The following GBE1 variants were observed in gnomAD, a reference collection of about 807,000 sequenced individuals.
GBE1 encodes the protein 1,4-alpha-glucan-branching enzyme.
A neutral mutation model predicts 88.8 loss-of-function variants in GBE1; 70 were observed. The observed-to-expected ratio is 0.79, with a 90% CI of 0.65 to 0.96. The LOEUF is 0.96. Among genes scored for constraint, GBE1 ranks in the 40% least tolerant of loss-of-function variants. The probability of loss-of-function intolerance (pLI) is 0.00; values close to 1 mark genes in which losing one functional copy is unlikely to be tolerated. For missense variants in GBE1, 872 were observed against 871.0 expected, an observed-to-expected ratio of 1.00 and a Z score of -0.01; for synonymous variants, 284 against 300.1, an observed-to-expected ratio of 0.95 and a Z score of 0.56.
At chr3:81,556,991 T>G (rs1703357912) in intron 12 of GBE1, among the ~76,000 whole-genome samples, 1 of 152,102 alleles carries the variant, frequency 6.6e-6, no homozygotes, top group Non-Finnish European at 1.5e-5. Context: ...ACTCTTAACA[T>G]AATTAAATAT....
intron 1 of GBE1, among the ~76,000 whole-genome samples, chr3:81,737,123 A>G (rs2107211792): frequency 6.6e-6 from 1 of 151,270 alleles, no homozygotes; most frequent in Admixed American, 6.6e-5. Flanking sequence ...ATAATAACAG[A>G]TTTCTCCTGA....
intron 14 of GBE1, among the ~76,000 whole-genome samples, chr3:81,507,461 G>A (rs1432561148): frequency 2.0e-5 from 3 of 152,008 alleles, no homozygotes; most frequent in South Asian, 4.2e-4. Flanking sequence ...CTACTTGGGA[G>A]GCTGAGGCAG....
chr3:81,698,920 A>G (rs1705643719), intron 2 of GBE1, among the ~76,000 whole-genome samples: 1 of 152,224 alleles, frequency 6.6e-6, no homozygotes, highest in African/African-American at 2.4e-5. Flanking sequence ...AGGTGGTGAG[A>G]GCAACGAAAT....
At chr3:81,520,367 A>G (rs1702856896) in intron 14 of GBE1, among the ~76,000 whole-genome samples, 1 of 151,534 alleles carries the variant, frequency 6.6e-6, no homozygotes, top group Non-Finnish European at 1.5e-5. Context: ...TAAACTGAAT[A>G]CTTTATAAAA....
intron 2 of GBE1, among the ~76,000 whole-genome samples, chr3:81,683,526 C>A (rs1705389095): frequency 6.6e-6 from 1 of 152,138 alleles, no homozygotes; most frequent in African/African-American, 2.4e-5. Flanking sequence ...TAACAACATT[C>A]AAAGCTATAA....
intron 2 of GBE1, among the ~76,000 whole-genome samples, chr3:81,704,932 A>G (rs1476137986): frequency 6.6e-6 from 1 of 152,024 alleles, no homozygotes; most frequent in East Asian, 1.9e-4. Flanking sequence ...GATATTTCCC[A>G]CTGTGTTCTA....
At chr3:81,556,018 T>C (rs1246914542) in intron 12 of GBE1, among the ~76,000 whole-genome samples, 8 of 152,110 alleles carry the variant, frequency 5.3e-5, no homozygotes, top group Non-Finnish European at 8.8e-5. Context: ...CTGGACTATG[T>C]AGGAAGGACT....
intron 12 of GBE1, among the ~76,000 whole-genome samples, chr3:81,561,163 TAA>T (rs1342779030): frequency 6.6e-6 from 1 of 152,036 alleles, no homozygotes; most frequent in East Asian, 1.9e-4. Flanking sequence ...TGATAACGTA[TAA>T]AGTGTTACAC....
Position 81,761,389 on chromosome 3 carries a change from C to T in GBE1, c.129G>A (p.Val43=), listed in dbSNP as rs1706686253. The change falls in exon 1 of 16, where the codon GTG becomes GTA. Residue 43 remains valine (V), a synonymous_variant. Coordinates refer to ENST00000429644, the MANE Select transcript of GBE1 (RefSeq NM_000158.4). ...TCCGGCGGTACCTGCGCTGGAAGTC[C>T]ACGGCGTAGGGCTTCAAGTACGGGT... ...EIDPYLKPYA[V]DFQRRYKQFS... 1.2e-6 allele frequency: 2 copies of T among 1,609,482 alleles called. No homozygotes were observed. The highest frequency in any genetic ancestry group is 2.7e-5 in the African/African-American group (2 of 74,588).
At chr3:81,586,992 A>C (rs1703811888) in intron 9 of GBE1, among the ~76,000 whole-genome samples, 1 of 152,126 alleles carries the variant, frequency 6.6e-6, no homozygotes, top group East Asian at 1.9e-4. Context: ...GGGTTTCATC[A>C]TGTTGGCCAG....
At chr3:81,695,408 G>T (rs1360057407) in intron 2 of GBE1, among the ~76,000 whole-genome samples, 2 of 152,212 alleles carry the variant, frequency 1.3e-5, no homozygotes, top group Non-Finnish European at 2.9e-5. Flanking sequence ...CCAGATGTAT[G>T]ATTCCATTTA....
chr3:81,544,075 A>T (rs1272533894), intron 12 of GBE1, among the ~76,000 whole-genome samples: 1 of 152,192 alleles, frequency 6.6e-6, no homozygotes, highest in Non-Finnish European at 1.5e-5. Context: ...CCAGGCATCC[A>T]AAGATTAACT....
At chr3:81,752,129 G>C (rs979162589) in intron 1 of GBE1, among the ~76,000 whole-genome samples, 21 of 151,998 alleles carry the variant, frequency 1.4e-4, no homozygotes, top group Non-Finnish European at 1.5e-4. Flanking sequence ...CTATTCATTT[G>C]TTTTATGCAT....
intron 2 of GBE1, among the ~76,000 whole-genome samples, chr3:81,688,425 A>T (rs1332792023): frequency 6.6e-6 from 1 of 152,258 alleles, no homozygotes; most frequent in Non-Finnish European, 1.5e-5. Flanking sequence ...ACAAGGATTT[A>T]CTAAAAGAAA....
intron 7 of GBE1, among the ~76,000 whole-genome samples, chr3:81,609,410 C>T (rs979073023): frequency 1.3e-5 from 2 of 152,110 alleles, no homozygotes; most frequent in African/African-American, 4.8e-5. Flanking sequence ...TCTGTCTCTT[C>T]ACCCTCAAAA....
chr3:81,659,984 A>T (rs1056725894), intron 3 of GBE1, among the ~76,000 whole-genome samples: 7 of 152,190 alleles, frequency 4.6e-5, no homozygotes, highest in African/African-American at 1.7e-4. Flanking sequence ...TCTACAAAAA[A>T]TCTGTATTTT....
rs746073901 is a variant in GBE1, at chr3:81,581,181, G to A, written c.1430C>T (p.Ala477Val). 3.7e-6 allele frequency: 6 copies of A among 1,602,428 alleles called. No individual in the cohort carries two copies. The East Asian group carries it at 1.3e-4, about 36-fold the overall frequency. The change falls in exon 11 of 16, where the codon GCA becomes GTA. Residue 477 changes from alanine to valine, a missense_variant. By Grantham distance (64) the Ala-to-Val change is moderately conservative. Coordinates refer to ENST00000429644, the MANE Select transcript of GBE1 (RefSeq NM_000158.4). ...RRYLEKCIAY[A>V]ESHDQALVGD... is the part of the protein sequence containing the mutation. Reference sequence around the variant, plus strand: ...TTCATTTACCTGATCATGGCTCTCTGCATAAGCAATGCACTTTTCAAGGTA... The same window carrying A: ...TTCATTTACCTGATCATGGCTCTCTACATAAGCAATGCACTTTTCAAGGTA...
chr3:81,638,139 A>T (rs971266532), intron 7 of GBE1, among the ~76,000 whole-genome samples: 1 of 152,134 alleles, frequency 6.6e-6, no homozygotes, highest in Non-Finnish European at 1.5e-5. Flanking sequence ...TTTATTCTAC[A>T]TACTTATGAC....
At chr3:81,750,607 A>ATATATATG (rs1706501660) in intron 1 of GBE1, among the ~76,000 whole-genome samples, 4 of 80,136 alleles carry the variant, frequency 5.0e-5, no homozygotes, top group African/African-American at 2.9e-4. Flanking sequence ...ATATGTGTAT[A>ATATATATG]TATATATATG....
Sources: gnomAD v4.1 joint callset for allele counts (sites outside exome capture counted in the v4.1 genomes callset) on GRCh38, gnomAD v4.1.1 for gene constraint, MANE v1.5 for transcripts, NCBI Gene and HGNC (gene_info 2026-07-23, HGNC 2026-07-21) for gene names.